Variants in SMYD3 observed in about 807,000 individuals in gnomAD.
SMYD3 encodes SET and MYND domain containing 3, also known as histone-lysine N-methyltransferase SMYD3.
Under a neutral mutation model 57.7 loss-of-function variants are expected in SMYD3, and 36 were observed. The ratio of observed to expected loss-of-function variants is 0.62; its 90% CI spans 0.48 to 0.82. The LOEUF (loss-of-function observed/expected upper bound fraction) is 0.82, where lower values mean the gene tolerates loss of function less well. SMYD3 is among the 40% of genes least tolerant of loss of function. SMYD3 has a pLI of 0.00. For synonymous variants in SMYD3, 211 were observed against 195.0 expected, an observed-to-expected ratio of 1.08 and a Z score of -0.68; for missense variants, 515 against 538.8, an observed-to-expected ratio of 0.96 and a Z score of 0.44.
At chr1:245,897,132 T>G (rs996785571) in intron 8 of SMYD3, among the ~76,000 whole-genome samples, 6 of 152,198 alleles carry the variant, frequency 3.9e-5, no homozygotes, top group Admixed American at 3.9e-4. Context: ...AAAACCAAAA[T>G]AGGCAGAAAT....
At chr1:245,819,379 G>A (rs1176919747) in intron 10 of SMYD3, among the ~76,000 whole-genome samples, 3 of 96,486 alleles carry the variant, frequency 3.1e-5, no homozygotes, top group Non-Finnish European at 4.8e-5. Flanking sequence ...AGAATCTCTG[G>A]GACGCATTCA....
Position 245,795,284 on chromosome 1 carries a change from C to T in SMYD3, c.1077-31135G>A, listed in dbSNP as rs149310818. 9.5e-4 allele frequency among the ~76,000 whole-genome samples: 144 copies of T among 152,326 alleles called. 1 individual carries two copies. Among genetic ancestry groups the T allele is most frequent in the Non-Finnish European group, 1.6e-3 (112 of 68,034 alleles). On this transcript the variant is annotated intron_variant, in intron 10 of 11. Transcript: ENST00000490107. ...CTCCATAGACTCACAAGCTTCATGT[C>T]GACCATCATTCCAGGCATAGGTCAG...
intron 10 of SMYD3, among the ~76,000 whole-genome samples, chr1:245,798,088 TA>T (rs1558350857): frequency 2.2e-5 from 3 of 139,188 alleles, no homozygotes; most frequent in South Asian, 2.2e-4. Flanking sequence ...GAAACATTCT[TA>T]TTTTTTTTTT....
chr1:245,803,952 C>T (rs997130477), intron 10 of SMYD3, among the ~76,000 whole-genome samples: 14 of 144,512 alleles, frequency 9.7e-5, no homozygotes, highest in South Asian at 2.2e-4. Context: ...CTCTCTCTGT[C>T]GCCCAGGCTG....
At chr1:246,225,047 AT>A (rs58032932) in intron 5 of SMYD3, among the ~76,000 whole-genome samples, 2 of 149,740 alleles carry the variant, frequency 1.3e-5, no homozygotes, top group African/African-American at 4.9e-5. Flanking sequence ...TGGAGATACA[AT>A]TTTTTTTTTA....
intron 5 of SMYD3, among the ~76,000 whole-genome samples, chr1:246,146,251 C>T (rs4654090): frequency 0.5 from 75,958 of 152,028 alleles, 23,088 homozygotes; most frequent in Non-Finnish European, 0.69. Flanking sequence ...TAGAAGAATC[C>T]AGGTACTAAA....
At chr1:245,997,752 G>C (rs563275666) in intron 5 of SMYD3, among the ~76,000 whole-genome samples, 1 of 152,186 alleles carries the variant, frequency 6.6e-6, no homozygotes, top group Non-Finnish European at 1.5e-5. Context: ...ACACAGTCAC[G>C]GCAGCGGACA....
intron 5 of SMYD3, among the ~76,000 whole-genome samples, chr1:245,990,704 G>T (rs1168671123): frequency 2.0e-5 from 3 of 152,218 alleles, no homozygotes; most frequent in Admixed American, 6.5e-5. Context: ...AAAAGGCAAG[G>T]AAGCAGATTC....
chr1:245,776,639 G>C (rs1005419833), intron 10 of SMYD3, among the ~76,000 whole-genome samples: 2 of 152,196 alleles, frequency 1.3e-5, no homozygotes, highest in Non-Finnish European at 2.9e-5. Context: ...CACAGACCTT[G>C]AAGAAGTCAT....
intron 5 of SMYD3, among the ~76,000 whole-genome samples, chr1:246,120,008 G>A (rs867187157): frequency 1.3e-5 from 2 of 152,146 alleles, no homozygotes; most frequent in South Asian, 4.1e-4. Flanking sequence ...AGGGAAATTG[G>A]TCTATTTTTA....
At chr1:246,444,715 G>A (rs138120755) in intron 1 of SMYD3, among the ~76,000 whole-genome samples, 34 of 152,042 alleles carry the variant, frequency 2.2e-4, no homozygotes, top group Admixed American at 5.9e-4. Flanking sequence ...CATGAATCCC[G>A]AAGTGTATAT....
intron 10 of SMYD3, among the ~76,000 whole-genome samples, chr1:245,833,068 A>AC (rs2049931536): frequency 1.1e-5 from 1 of 88,820 alleles, no homozygotes; most frequent in Non-Finnish European, 3.3e-5. Flanking sequence ...ACAAAAAAAA[A>AC]AAAAAAACCT....
chr1:245,913,255 C>T (rs1283638973), intron 8 of SMYD3, among the ~76,000 whole-genome samples: 19 of 142,928 alleles, frequency 1.3e-4, no homozygotes, highest in East Asian at 1.2e-3. Flanking sequence ...AGCAAACTAT[C>T]GCAAGGACAA....
chr1:245,863,832 G>T lies in SMYD3; in HGVS notation c.868C>A (p.Leu290Met). 6.2e-7 allele frequency: 1 copy of T among 1,614,078 alleles called. No homozygotes were observed. Among genetic ancestry groups the T allele is most frequent in the South Asian group, 1.1e-5 (1 of 91,066 alleles). The change falls in exon 9 of 12, where the codon CTG becomes ATG. Residue 290 changes from leucine to methionine, a missense_variant. Coordinates refer to ENST00000490107, the MANE Select transcript of SMYD3 (RefSeq NM_001167740.2). ...GCCTTCAGTTCTTCAATTTTTTTCA[G>T]GGATTCTTGAACTTCCTTCCATACT... ...EQVWKEVQES[L>M]KKIEELKAHW...
intron 5 of SMYD3, among the ~76,000 whole-genome samples, chr1:246,269,457 C>A (rs989052349): frequency 1.2e-4 from 18 of 151,850 alleles, no homozygotes; most frequent in African/African-American, 4.4e-4. Context: ...CCAATTCATA[C>A]TTTCATACTC....
chr1:246,168,694 C>G (rs2062266483), intron 5 of SMYD3, among the ~76,000 whole-genome samples: 1 of 152,178 alleles, frequency 6.6e-6, no homozygotes, highest in African/African-American at 2.4e-5. Context: ...AGTATTAAGA[C>G]TCATTCCTTT....
intron 5 of SMYD3, among the ~76,000 whole-genome samples, chr1:246,195,974 C>T (rs12081200): frequency 0.044 from 6,728 of 152,040 alleles, 507 homozygotes; most frequent in African/African-American, 0.15. Flanking sequence ...TAATATCTTA[C>T]GATACAGAGG....
At chr1:246,308,111 A>G (rs2065017742) in intron 5 of SMYD3, among the ~76,000 whole-genome samples, 1 of 152,224 alleles carries the variant, frequency 6.6e-6, no homozygotes, top group Admixed American at 6.5e-5. Flanking sequence ...ACCTCCATGT[A>G]CTGAACGTGG....
chr1:246,232,998 G>A (rs1228005787), intron 5 of SMYD3, among the ~76,000 whole-genome samples: 10 of 132,614 alleles, frequency 7.5e-5, no homozygotes, highest in Middle Eastern at 3.7e-3. Context: ...CAGAGGAGAA[G>A]CGCTCCTTCA....
Sources: allele counts gnomAD v4.1 joint callset (sites outside exome capture counted in the v4.1 genomes callset), GRCh38; gene constraint gnomAD v4.1.1; transcripts MANE v1.5; gene names NCBI Gene and HGNC (gene_info 2026-07-23, HGNC 2026-07-21).